Variants in WWOX observed in about 807,000 individuals in gnomAD.
WWOX encodes WW domain containing oxidoreductase, also known as WW domain-containing oxidoreductase.
In WWOX, 69 loss-of-function variants were observed where a neutral mutation model predicts 46.2. The observed-to-expected ratio is 1.49, with a 90% CI of 1.23 to 1.82. The LOEUF (loss-of-function observed/expected upper bound fraction) is 1.82, where lower values mean the gene tolerates loss of function less well. Among genes scored for constraint, WWOX ranks in the 40% most tolerant of loss-of-function variants. The pLI, the probability that WWOX is intolerant of heterozygous loss-of-function variation, is 0.00. For synonymous variants in WWOX, 359 were observed against 202.6 expected, an observed-to-expected ratio of 1.77 and a Z score of -6.56; for missense variants, 919 against 542.6, an observed-to-expected ratio of 1.69 and a Z score of -6.89.
intron 8 of WWOX, among the ~76,000 whole-genome samples, chr16:78,724,519 T>C (rs1279923578): frequency 1.3e-5 from 2 of 152,230 alleles, no homozygotes; most frequent in East Asian, 1.9e-4. Context: ...TATAGTTCTT[T>C]ATCGACATTA....
At chr16:78,906,146 T>C (rs574111341) in intron 8 of WWOX, among the ~76,000 whole-genome samples, 3 of 151,996 alleles carry the variant, frequency 2.0e-5, no homozygotes, top group Non-Finnish European at 4.4e-5. Flanking sequence ...AAACCCAAAA[T>C]CCTCAGCGAA....
chr16:79,148,431 C>G (rs1432904365), intron 8 of WWOX, among the ~76,000 whole-genome samples: 2 of 152,164 alleles, frequency 1.3e-5, no homozygotes, highest in Non-Finnish European at 2.9e-5. Flanking sequence ...ATGTGTCTGT[C>G]TCTCTGACAA....
intron 5 of WWOX, among the ~76,000 whole-genome samples, chr16:78,246,974 A>G (rs761767445): frequency 2.6e-5 from 4 of 152,152 alleles, no homozygotes; most frequent in Non-Finnish European, 5.9e-5. Context: ...CAGTCTGTGC[A>G]GTTGGAATCT....
intron 5 of WWOX, chr16:78,264,709 G>A (rs77068302): frequency 3.9e-5 from 6 of 152,322 alleles, no homozygotes; most frequent in African/African-American, 1.4e-4. Context: ...AATGTTTGTT[G>A]ATAACCCCTA....
intron 6 of WWOX, among the ~76,000 whole-genome samples, chr16:78,415,196 G>T (rs1460477210): frequency 6.6e-6 from 1 of 151,790 alleles, no homozygotes; most frequent in African/African-American, 2.4e-5. Context: ...GGAAGTGAGG[G>T]TTCTTCCCCT....
chr16:79,044,191 A>G (rs1029712323), intron 8 of WWOX, among the ~76,000 whole-genome samples: 1 of 152,214 alleles, frequency 6.6e-6, no homozygotes, highest in Non-Finnish European at 1.5e-5. Flanking sequence ...CTTCAGGCCC[A>G]CAGTGTAGGC....
intron 8 of WWOX, among the ~76,000 whole-genome samples, chr16:78,555,521 C>T (rs1597259220): frequency 1.3e-5 from 2 of 150,948 alleles, no homozygotes; most frequent in Admixed American, 6.6e-5. Context: ...CTCGGGGCTT[C>T]TGTGAGTATT....
At chr16:78,804,612 G>A (rs1483589757) in intron 8 of WWOX, among the ~76,000 whole-genome samples, 1 of 152,198 alleles carries the variant, frequency 6.6e-6, no homozygotes, top group African/African-American at 2.4e-5. Flanking sequence ...AGCTCAAAAT[G>A]TTTTACATGT....
intron 8 of WWOX, among the ~76,000 whole-genome samples, chr16:78,575,070 T>G (rs1429549028): frequency 3.6e-5 from 1 of 27,594 alleles, no homozygotes; most frequent in Non-Finnish European, 6.9e-5. Context: ...TATATATATA[T>G]ATATATATAT....
At chr16:78,795,703 T>G (rs2050718743) in intron 8 of WWOX, among the ~76,000 whole-genome samples, 1 of 152,144 alleles carries the variant, frequency 6.6e-6, no homozygotes, top group Non-Finnish European at 1.5e-5. Flanking sequence ...GCTCTGGGGA[T>G]TCATTCTAGT....
intron 8 of WWOX, among the ~76,000 whole-genome samples, chr16:78,880,746 C>G (rs983874916): frequency 2.0e-5 from 3 of 152,154 alleles, no homozygotes; most frequent in African/African-American, 7.2e-5. Flanking sequence ...ACAACACTAC[C>G]TTTGGGAGAA....
chr16:78,293,585 T>A (rs2079893293), intron 5 of WWOX, among the ~76,000 whole-genome samples: 1 of 152,120 alleles, frequency 6.6e-6, no homozygotes, highest in Non-Finnish European at 1.5e-5. Context: ...GAGAATTGTT[T>A]AGTAGGTCAT....
chr16:78,108,595 G>T (rs1346501155), intron 2 of WWOX, 108 bp downstream of exon 2: 8 of 1,239,276 alleles, frequency 6.5e-6, no homozygotes, highest in African/African-American at 1.5e-5. Context: ...GGGCTCTCTG[G>T]TAGAGAACCA....
At chr16:78,229,476 A>G (rs201907663) in intron 5 of WWOX, among the ~76,000 whole-genome samples, 3 of 109,912 alleles carry the variant, frequency 2.7e-5, no homozygotes, top group Admixed American at 9.9e-5. Flanking sequence ...CTCTCTCTAT[A>G]TGTATATCTG....
chr16:78,142,035 C>A (rs908454322), intron 4 of WWOX, among the ~76,000 whole-genome samples: 1 of 148,060 alleles, frequency 6.8e-6, no homozygotes, highest in Non-Finnish European at 1.5e-5. Context: ...AACTGATTTC[C>A]TTCATTTTAT....
chr16:78,642,080 C>T (rs1041758179), intron 8 of WWOX, among the ~76,000 whole-genome samples: 1 of 152,180 alleles, frequency 6.6e-6, no homozygotes, highest in Non-Finnish European at 1.5e-5. Flanking sequence ...GTGTGACATG[C>T]CTGTGTAGGA....
chr16:78,881,386 C>T (rs555239277), intron 8 of WWOX, among the ~76,000 whole-genome samples: 104 of 152,300 alleles, frequency 6.8e-4, no homozygotes, highest in South Asian at 6.2e-4. Flanking sequence ...GTTTTTCTTG[C>T]AGACCAGAAC....
At chr16:78,391,947 C>G (rs2082182124) in intron 6 of WWOX, among the ~76,000 whole-genome samples, 1 of 151,584 alleles carries the variant, frequency 6.6e-6, no homozygotes, top group Non-Finnish European at 1.5e-5. Context: ...TTGTTTGAAT[C>G]AGGATTCAAA....
chr16:78,259,828 T>C (rs1364204720), intron 5 of WWOX, among the ~76,000 whole-genome samples: 1 of 151,308 alleles, frequency 6.6e-6, no homozygotes, highest in African/African-American at 2.4e-5. Context: ...TAAAGGAATA[T>C]TTAAAGATAT....
Sources: gnomAD v4.1 joint callset for allele counts (sites outside exome capture counted in the v4.1 genomes callset) on GRCh38, gnomAD v4.1.1 for gene constraint, MANE v1.5 for transcripts, NCBI Gene and HGNC (gene_info 2026-07-23, HGNC 2026-07-21) for gene names.